The following ATRNL1 variants were observed in gnomAD, a reference collection of about 807,000 sequenced individuals.
ATRNL1 encodes attractin-like protein 1.
In ATRNL1, 95 loss-of-function variants were observed where a neutral mutation model predicts 182.7. That is an observed-to-expected ratio of 0.52 (90% CI 0.44 to 0.62). ATRNL1 has a LOEUF of 0.62. Among genes scored for constraint, ATRNL1 ranks in the 20% least tolerant of loss-of-function variants. The pLI, the probability that ATRNL1 is intolerant of heterozygous loss-of-function variation, is 0.00. For synonymous variants in ATRNL1, 576 were observed against 568.3 expected (o/e 1.01, Z -0.19); for missense variants, 1,471 against 1,679.5 (o/e 0.88, Z 2.17).
intron 24 of ATRNL1, among the ~76,000 whole-genome samples, chr10:115,475,265 CCTTGT>C (rs1300852590): frequency 6.6e-6 from 1 of 151,190 alleles, no homozygotes; most frequent in Non-Finnish European, 1.5e-5. Flanking sequence ...AGTGAATAAT[CCTTGT>C]CTTGTTAAAC....
chr10:115,654,428 A>G (rs375664464), intron 26 of ATRNL1, among the ~76,000 whole-genome samples: 2 of 152,042 alleles, frequency 1.3e-5, no homozygotes, highest in Non-Finnish European at 2.9e-5. Flanking sequence ...CATGTTGACC[A>G]GGCTGGTCTC....
At chr10:115,727,204 C>T (rs782729699) in intron 26 of ATRNL1, 44 bp from the exon 27 acceptor site, 9 of 1,397,164 alleles carry the variant, frequency 6.4e-6, no homozygotes, top group Middle Eastern at 1.8e-4. Context: ...ATTTCATGTG[C>T]TTTTAAACCT....
At chr10:115,285,368 A>G (rs1215855449) in intron 14 of ATRNL1, among the ~76,000 whole-genome samples, 1 of 152,130 alleles carries the variant, frequency 6.6e-6, no homozygotes, top group African/African-American at 2.4e-5. Context: ...GAACAACTTT[A>G]TAAGAGTTGC....
At chr10:115,881,371 T>C (rs1386833331) in intron 28 of ATRNL1, among the ~76,000 whole-genome samples, 2 of 152,154 alleles carry the variant, frequency 1.3e-5, no homozygotes, top group African/African-American at 4.8e-5. Context: ...CGCACAGCCA[T>C]TTGCAGTTTG....
At chr10:115,879,305 C>CAAAAAAAAAAAAAAAAA (rs140716871) in intron 28 of ATRNL1, among the ~76,000 whole-genome samples, 2 of 108,024 alleles carry the variant, frequency 1.9e-5, no homozygotes, top group Admixed American at 1.0e-4. Context: ...CTCTCTATCT[C>CAAAAAAAAAAAAAAAAA]AAAAAAAAAA....
chr10:115,288,787 G>T (rs563513378), intron 15 of ATRNL1, among the ~76,000 whole-genome samples: 112 of 152,244 alleles, frequency 7.4e-4, no homozygotes, highest in Non-Finnish European at 1.4e-3. Flanking sequence ...CTCCCAAAGT[G>T]CTGGGATTAC....
chr10:115,666,731 A>G (rs1861021810), intron 26 of ATRNL1, among the ~76,000 whole-genome samples: 1 of 152,146 alleles, frequency 6.6e-6, no homozygotes, highest in Non-Finnish European at 1.5e-5. Context: ...CAGTAGGCAC[A>G]GTAAATACTT....
At chr10:115,531,875 T>G (rs1206353629) in intron 25 of ATRNL1, among the ~76,000 whole-genome samples, 5 of 144,844 alleles carry the variant, frequency 3.5e-5, no homozygotes, top group African/African-American at 9.8e-5. Context: ...GCACCATTTA[T>G]TAAATAGGGA....
chr10:115,814,277 T>C (rs935894447), intron 27 of ATRNL1, among the ~76,000 whole-genome samples: 13 of 152,088 alleles, frequency 8.5e-5, no homozygotes, highest in African/African-American at 3.1e-4. Flanking sequence ...TTGAAGAAAA[T>C]ATCATGATCT....
At chr10:115,806,330 A>G (rs1284108698) in intron 27 of ATRNL1, among the ~76,000 whole-genome samples, 1 of 152,154 alleles carries the variant, frequency 6.6e-6, no homozygotes, top group Non-Finnish European at 1.5e-5. Context: ...GTTTAACTCT[A>G]TATTTTTAGT....
intron 28 of ATRNL1, among the ~76,000 whole-genome samples, chr10:115,915,221 G>T (rs1952809183): frequency 6.6e-6 from 1 of 151,962 alleles, no homozygotes; most frequent in Admixed American, 6.6e-5. Context: ...CACTGTGAAA[G>T]CCCGTCTCTA....
intron 20 of ATRNL1, among the ~76,000 whole-genome samples, chr10:115,399,173 T>C (rs1554956311): frequency 6.6e-6 from 1 of 152,082 alleles, no homozygotes; most frequent in Non-Finnish European, 1.5e-5. Flanking sequence ...TCTTTTTTTG[T>C]TGTGTCTCTG....
intron 27 of ATRNL1, among the ~76,000 whole-genome samples, chr10:115,836,165 T>A (rs1435872995): frequency 6.6e-6 from 1 of 152,202 alleles, no homozygotes; most frequent in Non-Finnish European, 1.5e-5. Flanking sequence ...TGAATCTCCC[T>A]CTTGACCTTT....
At chr10:115,145,308 A>G (rs1339088630) in intron 5 of ATRNL1, among the ~76,000 whole-genome samples, 7 of 152,224 alleles carry the variant, frequency 4.6e-5, no homozygotes, top group Admixed American at 1.3e-4. Flanking sequence ...ACATATTGAG[A>G]TTCCTTGTAA....
intron 10 of ATRNL1, among the ~76,000 whole-genome samples, chr10:115,258,879 C>A (rs1325784053): frequency 2.6e-5 from 4 of 152,198 alleles, no homozygotes; most frequent in Admixed American, 6.5e-5. Flanking sequence ...GGTCCCTCAG[C>A]TGCAAGTCTG....
chr10:115,346,320 T>G (rs1187671820), intron 19 of ATRNL1, among the ~76,000 whole-genome samples: 2 of 152,312 alleles, frequency 1.3e-5, no homozygotes, highest in East Asian at 3.9e-4. Flanking sequence ...TTCTGTGAAT[T>G]TGATGGCTAT....
intron 15 of ATRNL1, among the ~76,000 whole-genome samples, chr10:115,290,264 G>A (rs532814883): frequency 6.6e-6 from 1 of 152,266 alleles, no homozygotes; most frequent in East Asian, 1.9e-4. Flanking sequence ...GAGTTTTCTG[G>A]TAGAGTTGAA....
chr10:115,389,540 G>GTGTATATA (rs1279140127), intron 19 of ATRNL1, among the ~76,000 whole-genome samples: 1 of 44,490 alleles, frequency 2.2e-5, no homozygotes, highest in African/African-American at 7.6e-5. Flanking sequence ...ATGTGTATGT[G>GTGTATATA]TATATATATA....
chr10:115,240,468 A>T (rs146578783), intron 9 of ATRNL1, among the ~76,000 whole-genome samples: 1,922 of 151,920 alleles, frequency 0.013, 10 homozygotes, highest in Non-Finnish European at 0.019. Flanking sequence ...TCAAGCCAGG[A>T]TGGTCTTGAT....
Sources: gnomAD v4.1 joint callset for allele counts (sites outside exome capture counted in the v4.1 genomes callset) on GRCh38, gnomAD v4.1.1 for gene constraint, MANE v1.5 for transcripts, NCBI Gene and HGNC (gene_info 2026-07-23, HGNC 2026-07-21) for gene names.